Variants in DRG1 observed in about 807,000 individuals in gnomAD.
DRG1 encodes the protein developmentally-regulated GTP-binding protein 1.
In DRG1, 19 loss-of-function variants were observed where a neutral mutation model predicts 38.8. The observed-to-expected ratio is 0.49, with a 90% CI of 0.34 to 0.72. The LOEUF (loss-of-function observed/expected upper bound fraction) is 0.72. Ranked by LOEUF, DRG1 falls within the 30% of genes least tolerant of loss-of-function variation. DRG1 has a pLI of 0.01. For missense variants in DRG1, 299 were observed against 444.8 expected (o/e 0.67, Z 2.95); for synonymous variants, 167 against 157.5 (o/e 1.06, Z -0.45).
At chr22:31,418,455 C>T (rs1440576867) in intron 4 of DRG1, among the ~76,000 whole-genome samples, 1 of 151,976 alleles carries the variant, frequency 6.6e-6, no homozygotes, top group East Asian at 1.9e-4. Flanking sequence ...GAGACCCTGT[C>T]TCTTCAAAAA....
intron 6 of DRG1, 186 bp from the exon 7 acceptor site, chr22:31,426,429 G>C: frequency 1.8e-6 from 1 of 541,646 alleles, no homozygotes; most frequent in Non-Finnish European, 3.2e-6. Flanking sequence ...ACTAGGGCCT[G>C]ACTTCTGTTA....
At chr22:31,420,504 A>G (rs938170954) in intron 5 of DRG1, 79 bp downstream of exon 5, 4 of 1,543,398 alleles carry the variant, frequency 2.6e-6, no homozygotes, top group Non-Finnish European at 3.5e-6. Context: ...GGACCCTGAC[A>G]TTGGAAAATT....
chr22:31,400,374 G>C (rs1457208854), intron 1 of DRG1, among the ~76,000 whole-genome samples: 2 of 152,010 alleles, frequency 1.3e-5, no homozygotes, highest in East Asian at 3.9e-4. Context: ...GGAACCCGCA[G>C]ACGGGTTTCA....
At chr22:31,403,649 A>AT (rs2049974960) in intron 3 of DRG1, among the ~76,000 whole-genome samples, 1 of 151,270 alleles carries the variant, frequency 6.6e-6, no homozygotes, top group South Asian at 2.1e-4. Context: ...TGCCGGGCTA[A>AT]TTTTTTGTAT....
chr22:31,423,441 C>T (rs1007526780), intron 6 of DRG1, 31 bp downstream of exon 6: 4 of 1,610,860 alleles, frequency 2.5e-6, no homozygotes, highest in East Asian at 2.2e-5. Flanking sequence ...CTGTGCCTGA[C>T]TGAATTGGAA....
At chr22:31,416,415 G>T (rs2050044658) in intron 4 of DRG1, among the ~76,000 whole-genome samples, 1 of 152,184 alleles carries the variant, frequency 6.6e-6, no homozygotes, top group African/African-American at 2.4e-5. Flanking sequence ...GCCCCTGGCT[G>T]CCTCTCTGAC....
rs554693079 is a variant in DRG1 at position 31,426,690 on chromosome 22, G to A, written c.789G>A (p.Lys263=). 2 of 1,614,038 alleles carry A rather than the reference G, an allele frequency of 1.2e-6. No homozygotes were observed. Among genetic ancestry groups the A allele is most frequent in the South Asian group, 2.2e-5 (2 of 91,074 alleles). The change falls in exon 7 of 9, where the codon AAG becomes AAA. Residue 263 remains lysine, a synonymous_variant. Coordinates refer to ENST00000331457, the MANE Select transcript of DRG1 (RefSeq NM_004147.4). ...TTGAGGAATTGGATATCATCTATAA[G>A]GTGCCTCACTGTGTACCCATCTCTG... is the stretch of plus-strand genomic sequence containing the variant. ...ISIEELDIIY[K]VPHCVPISAH...
intron 2 of DRG1, among the ~76,000 whole-genome samples, chr22:31,402,659 G>A (rs939645638): frequency 6.6e-6 from 1 of 151,938 alleles, no homozygotes; most frequent in African/African-American, 2.4e-5. Flanking sequence ...ACAGGCATAT[G>A]CCACCATGCC....
chr22:31,406,460 C>A (rs150923892), intron 3 of DRG1, among the ~76,000 whole-genome samples: 108 of 152,112 alleles, frequency 7.1e-4, no homozygotes, highest in African/African-American at 2.5e-3. Flanking sequence ...CTCTCGTGGT[C>A]TTTTTTTCTC....
At chr22:31,424,959 T>C (rs1362157618) in intron 6 of DRG1, among the ~76,000 whole-genome samples, 1 of 151,242 alleles carries the variant, frequency 6.6e-6, no homozygotes, top group East Asian at 2.0e-4. Context: ...TCCGCCACCA[T>C]ACCCAGCTAA....
At chr22:31,431,943 C>T (rs1438025055) in intron 8 of DRG1, among the ~76,000 whole-genome samples, 2 of 151,904 alleles carry the variant, frequency 1.3e-5, no homozygotes, top group Non-Finnish European at 1.5e-5. Context: ...TCAAAACCTT[C>T]AGAACTTTAA....
chr22:31,403,224 T>C lies in DRG1; in HGVS notation c.342+20T>C, dbSNP rs534925731. ...ATCCAGGTGAGTCAAGCCTGCAGAC[T>C]AAGGAAGGAAAGAAATCTATTCTTC... On this transcript the variant is annotated intron_variant, in intron 3 of 8. Coordinates refer to ENST00000331457, the MANE Select transcript of DRG1 (RefSeq NM_004147.4). 1 of 1,582,996 alleles carries C rather than the reference T, an allele frequency of 6.3e-7. No individual in the cohort carries two copies. Among genetic ancestry groups the C allele is most frequent in the African/African-American group, 1.4e-5 (1 of 73,628 alleles).
At chr22:31,430,899 G>A (rs2050134880) in intron 8 of DRG1, among the ~76,000 whole-genome samples, 1 of 149,424 alleles carries the variant, frequency 6.7e-6, no homozygotes, top group South Asian at 2.1e-4. Context: ...TTTTTTATTT[G>A]TAGAGACAGG....
At chr22:31,430,438 C>T (rs922546707) in intron 8 of DRG1, among the ~76,000 whole-genome samples, 3 of 149,060 alleles carry the variant, frequency 2.0e-5, no homozygotes, top group African/African-American at 4.9e-5. Flanking sequence ...CTCGCTCTGT[C>T]GCCCAGGCTA....
intron 4 of DRG1, among the ~76,000 whole-genome samples, chr22:31,414,771 G>A (rs1351482189): frequency 6.7e-6 from 1 of 150,156 alleles, no homozygotes; most frequent in African/African-American, 2.5e-5. Context: ...TCAGTTCATG[G>A]CACATTTTCT....
chr22:31,412,841 A>G (rs5997981), intron 4 of DRG1, among the ~76,000 whole-genome samples: 69,580 of 151,590 alleles, frequency 0.46, 16,786 homozygotes, highest in Middle Eastern at 0.57. Flanking sequence ...GCGTGCCACC[A>G]TACCCGGCTA....
chr22:31,415,958 G>A (rs894096203), intron 4 of DRG1, among the ~76,000 whole-genome samples: 3 of 151,494 alleles, frequency 2.0e-5, no homozygotes, highest in African/African-American at 2.4e-5. Context: ...CCCCATAACT[G>A]GCCTTCTTGC....
At chr22:31,411,973 T>A (rs2050020652) in intron 4 of DRG1, among the ~76,000 whole-genome samples, 1 of 151,992 alleles carries the variant, frequency 6.6e-6, no homozygotes, top group African/African-American at 2.4e-5. Context: ...AAAAACCAAC[T>A]TTTTTCCCTC....
intron 8 of DRG1, among the ~76,000 whole-genome samples, chr22:31,431,075 G>T (rs1352538836): frequency 8.7e-6 from 1 of 115,424 alleles, no homozygotes; most frequent in Non-Finnish European, 1.6e-5. Flanking sequence ...TTGCTCTGTT[G>T]CCCAGGCTGA....
Sources: gnomAD v4.1 joint callset for allele counts (sites outside exome capture counted in the v4.1 genomes callset) on GRCh38, gnomAD v4.1.1 for gene constraint, MANE v1.5 for transcripts, NCBI Gene and HGNC (gene_info 2026-07-23, HGNC 2026-07-21) for gene names.